The following ELL2 variants were observed in gnomAD, a reference collection of about 807,000 sequenced individuals.
The protein encoded by ELL2 is elongation factor for RNA polymerase II 2, also known as RNA polymerase II elongation factor ELL2.
ELL2 carries 21 observed loss-of-function variants against 72.8 expected under a neutral mutation model. That is an observed-to-expected ratio of 0.29 (90% CI 0.20 to 0.42). The LOEUF (loss-of-function observed/expected upper bound fraction) is 0.42. ELL2 is among the 10% of genes least tolerant of loss of function. ELL2 has a pLI of 1.00. For synonymous variants in ELL2, 266 were observed against 283.2 expected, an observed-to-expected ratio of 0.94 and a Z score of 0.61; for missense variants, 568 against 772.8, an observed-to-expected ratio of 0.73 and a Z score of 3.14.
At chr5:95,915,350 T>C (rs1267175271) in intron 3 of ELL2, among the ~76,000 whole-genome samples, 1 of 152,242 alleles carries the variant, frequency 6.6e-6, no homozygotes, top group Non-Finnish European at 1.5e-5. Flanking sequence ...AACACTCGCC[T>C]TGGCCTCCCA....
At chr5:95,959,298 C>T (rs1751726517) in intron 1 of ELL2, among the ~76,000 whole-genome samples, 1 of 152,200 alleles carries the variant, frequency 6.6e-6, no homozygotes, top group Non-Finnish European at 1.5e-5. Flanking sequence ...TCTTCCCACC[C>T]ACTGTGTGTC....
Position 95,961,209 on chromosome 5 carries a change from C to A in ELL2, c.147+366G>T, listed in dbSNP as rs138332877. Among the ~76,000 whole-genome samples the A allele has an allele frequency of 8.5e-3, 1,289 of 152,222 alleles. 21 individuals carry two copies. The highest frequency in any genetic ancestry group is 0.029 in the African/African-American group (1,191 of 41,552). On this transcript the variant is annotated intron_variant, in intron 1 of 11. Transcript: ENST00000237853. ...ATACGCTGCTCGCTACCCTCCTTCC[C>A]CGCCGAGGGTAGCGTGGTCATCTCA... is the stretch of plus-strand genomic sequence containing the variant.
rs979342093 is a variant in ELL2 at position 95,887,609 on chromosome 5, C to A, written c.*1262G>T. ...TGTTCCCACATGATAAAACAAGTGA[C>A]AGTTTAAATCAATGTCAACAGATAA... is the stretch of plus-strand genomic sequence containing the variant. On this transcript the variant is annotated 3_prime_UTR_variant, in exon 12 of 12. Transcript: ENST00000237853. 1 of 152,536 alleles carries A rather than the reference C, an allele frequency of 6.6e-6. No individual in the cohort carries two copies. Among genetic ancestry groups the A allele is most frequent in the Non-Finnish European group, 1.5e-5 (1 of 68,012 alleles). The allele number at this position is 152,536 out of a possible 1,614,324, so 9.4% of individuals were successfully genotyped here.
Position 95,913,757 on chromosome 5 carries a change from A to T in ELL2, c.481+14T>A. 1.3e-6 allele frequency: 2 copies of T among 1,575,746 alleles called. No homozygotes were observed. Among genetic ancestry groups the T allele is most frequent in the Non-Finnish European group, 1.7e-6 (2 of 1,163,728 alleles). On this transcript the variant is annotated intron_variant, in intron 4 of 11. Transcript: ENST00000237853. ...CAATCAATCAGCAAGAGGAAGAAAGATATCTATACAAACCTACATATGGTC... is the reference window on the plus strand; with the variant it reads ...CAATCAATCAGCAAGAGGAAGAAAGTTATCTATACAAACCTACATATGGTC...
chr5:95,951,408 TCAA>T (rs139136860), intron 1 of ELL2, among the ~76,000 whole-genome samples: 28 of 149,844 alleles, frequency 1.9e-4, no homozygotes, highest in South Asian at 4.2e-4. Context: ...AATAAATAAA[TCAA>T]CAACACTTGA....
chr5:95,940,664 T>G (rs1037684101), intron 2 of ELL2, among the ~76,000 whole-genome samples: 2 of 152,200 alleles, frequency 1.3e-5, no homozygotes, highest in Non-Finnish European at 2.9e-5. Context: ...ACAAATAAAA[T>G]TTCTCATTAA....
chr5:95,898,148 A>G, intron 8 of ELL2, 92 bp downstream of exon 8: 1 of 1,121,372 alleles, frequency 8.9e-7, no homozygotes, highest in Non-Finnish European at 1.3e-6. Flanking sequence ...AATTAAATGA[A>G]ACGTCATTTG....
intron 3 of ELL2, among the ~76,000 whole-genome samples, chr5:95,916,779 C>T (rs962054804): frequency 6.7e-6 from 1 of 148,328 alleles, no homozygotes; most frequent in African/African-American, 2.5e-5. Flanking sequence ...CAGAGGAATG[C>T]TGAGAGAGGG....
intron 1 of ELL2, among the ~76,000 whole-genome samples, chr5:95,958,190 G>A (rs1580544761): frequency 6.6e-6 from 1 of 152,276 alleles, no homozygotes; most frequent in African/African-American, 2.4e-5. Context: ...CCCCCAGAGA[G>A]AACAGGTTTG....
chr5:95,924,083 A>G (rs1309959723), intron 2 of ELL2, among the ~76,000 whole-genome samples: 1 of 152,184 alleles, frequency 6.6e-6, no homozygotes, highest in Admixed American at 6.5e-5. Context: ...TTCAGAGCAG[A>G]CCAGAACCTG....
At chr5:95,905,035 T>A (rs1294508279) in intron 5 of ELL2, among the ~76,000 whole-genome samples, 1 of 152,092 alleles carries the variant, frequency 6.6e-6, no homozygotes, top group African/African-American at 2.4e-5. Flanking sequence ...ATATAGAATA[T>A]GAGTGCCTAG....
chr5:95,907,788 T>C (rs1467699376), intron 4 of ELL2, among the ~76,000 whole-genome samples: 1 of 152,224 alleles, frequency 6.6e-6, no homozygotes, highest in Non-Finnish European at 1.5e-5. Flanking sequence ...TGTAATGACA[T>C]ACGATGTGGA....
chr5:95,960,238 C>T (rs142616875), intron 1 of ELL2, among the ~76,000 whole-genome samples: 192 of 151,968 alleles, frequency 1.3e-3, no homozygotes, highest in African/African-American at 4.6e-3. Context: ...TTGTAAGATG[C>T]CCCGTGGGTT....
intron 1 of ELL2, among the ~76,000 whole-genome samples, chr5:95,961,274 C>A (rs79815053): frequency 0.017 from 2,520 of 152,176 alleles, 74 homozygotes; most frequent in African/African-American, 0.058. Flanking sequence ...TGGGACCCAA[C>A]AAGCCAGGAA....
chr5:95,948,207 G>A (rs1460142352), intron 1 of ELL2, among the ~76,000 whole-genome samples: 1 of 151,976 alleles, frequency 6.6e-6, no homozygotes, highest in Non-Finnish European at 1.5e-5. Flanking sequence ...GAGGCTGGGC[G>A]GATCAAGAGG....
At chr5:95,913,748 G>A (rs1749685887) in intron 4 of ELL2, 23 bp downstream of exon 4, 6 of 1,560,044 alleles carry the variant, frequency 3.8e-6, no homozygotes, top group South Asian at 2.4e-5. Context: ...ATCAGCAAGA[G>A]GAAGAAAGAT....
At chr5:95,910,446 C>T (rs902306802) in intron 4 of ELL2, among the ~76,000 whole-genome samples, 13 of 151,610 alleles carry the variant, frequency 8.6e-5, no homozygotes, top group African/African-American at 1.7e-4. Flanking sequence ...GCAGTGGTGA[C>T]GAGTGATTTT....
Position 95,886,520 on chromosome 5 carries a change from C to T in ELL2, c.*2351G>A, listed in dbSNP as rs1748470250. The stretch of plus-strand genomic sequence containing the variant: ...GTGCTGATGTACAGGGTAGGAGCTC[C>T]AATGGCTAACCATTCACCAACTGGA... On this transcript the variant is annotated 3_prime_UTR_variant, in exon 12 of 12. Coordinates refer to ENST00000237853, the MANE Select transcript of ELL2 (RefSeq NM_012081.6). The T allele has an allele frequency of 6.6e-6, 1 of 152,116 alleles. No homozygotes were observed. The highest frequency in any genetic ancestry group is 2.4e-5 in the African/African-American group (1 of 41,422). The allele number at this position is 152,116 out of a possible 1,614,324, so 9.4% of individuals were successfully genotyped here.
chr5:95,899,111 C>T (rs547754121), intron 7 of ELL2, among the ~76,000 whole-genome samples: 6 of 152,324 alleles, frequency 3.9e-5, no homozygotes, highest in Non-Finnish European at 7.3e-5. Flanking sequence ...TCTAATCATA[C>T]AGCTTTACCC....
Sources: gnomAD v4.1 joint callset for allele counts (sites outside exome capture counted in the v4.1 genomes callset) on GRCh38, gnomAD v4.1.1 for gene constraint, MANE v1.5 for transcripts, NCBI Gene and HGNC (gene_info 2026-07-23, HGNC 2026-07-21) for gene names.